KARS1: variants seen among roughly 807,000 people sequenced by gnomAD.
The protein encoded by KARS1 is lysine--tRNA ligase.
Under a neutral mutation model 63.9 loss-of-function variants are expected in KARS1, and 50 were observed. That is an observed-to-expected ratio of 0.78 (90% CI 0.62 to 0.99). The LOEUF (loss-of-function observed/expected upper bound fraction) is 0.99, where lower values mean the gene tolerates loss of function less well. Among genes scored for constraint, KARS1 ranks in the 50% least tolerant of loss-of-function variants. The probability of loss-of-function intolerance (pLI) is 0.00; values close to 1 mark genes in which losing one functional copy is unlikely to be tolerated. For missense variants in KARS1, 816 were observed against 754.5 expected (o/e 1.08, Z -0.95); for synonymous variants, 320 against 264.6 (o/e 1.21, Z -2.03).
rs776157629 is a variant in KARS1 at position 75,631,144 on chromosome 16, T to C, written c.1338+24A>G. ...CCATTCAGCACCAGATGAGGACATG[T>C]ACAAGAAGGCAGGGCCTTCTCACCT... On this transcript the variant is annotated intron_variant, in intron 10 of 13. Transcript: ENST00000302445. 12 of 1,589,910 alleles carry C rather than the reference T, an allele frequency of 7.5e-6. No homozygotes were observed. The East Asian group carries it at 2.7e-4, about 36-fold the overall frequency.
chr16:75,647,331 AGT>A, intron 1 of KARS1: 1 of 598,454 alleles, frequency 1.7e-6, no homozygotes, highest in Non-Finnish European at 3.0e-6. Context: ...CCTCCTCCAC[AGT>A]CTCTTAACTC....
At chr16:75,634,586 T>G (rs1254588634) in intron 6 of KARS1, among the ~76,000 whole-genome samples, 1 of 152,142 alleles carries the variant, frequency 6.6e-6, no homozygotes, top group East Asian at 1.9e-4. Context: ...ATTTATTTAA[T>G]TTTTTTTAAG....
intron 1 of KARS1, among the ~76,000 whole-genome samples, chr16:75,642,308 T>C (rs2082235310): frequency 6.7e-6 from 1 of 149,980 alleles, no homozygotes. Context: ...TTTCAAGAGA[T>C]TCTCGTGCCT....
rs2082298110 is a variant in KARS1 at position 75,647,325 on chromosome 16, C to T, written c.62+253G>A. On this transcript the variant is annotated intron_variant, in intron 1 of 13. Coordinates refer to ENST00000302445, the MANE Select transcript of KARS1 (RefSeq NM_005548.3). The stretch of plus-strand genomic sequence containing the variant: ...CTCTTAGTTCTCGTCCTAGTTCCTC[C>T]TCCACAGTCTCTTAACTCTAGGAGT... The T allele has an allele frequency of 3.0e-5, 18 of 598,768 alleles. No individual in the cohort carries two copies. The South Asian group carries it at 3.5e-4, about 12-fold the overall frequency. The allele number at this position is 598,768 out of a possible 1,614,324, so 37.1% of individuals were successfully genotyped here. A position where few individuals can be genotyped will look rare whatever the true frequency, so the allele number is the denominator to read the frequency against.
chr16:75,647,608 A>T lies in KARS1; in HGVS notation c.32T>A (p.Val11Glu). MAAVQAAEVK[V>E]DGSEPKLSKN... ...GCTCAGTTTCGGCTCGCTGCCATCC[A>T]CTTTCACCTCGGCCGCCTGCACGGC... Residue 11 changes from valine to glutamate, a missense_variant, in exon 1 of 14, where the codon GTG becomes GAG. Transcript: ENST00000302445. 6.2e-7 allele frequency: 1 copy of T among 1,613,220 alleles called. No homozygotes were observed. Among genetic ancestry groups the T allele is most frequent in the Non-Finnish European group, 8.5e-7 (1 of 1,179,770 alleles).
rs145525565 is a variant in KARS1, at chr16:75,630,627, TTTATTATTA to T, written c.1339-128_1339-120del. The T allele has an allele frequency of 1.6e-4, 63 of 381,904 alleles. 6 individuals carry two copies. Among genetic ancestry groups the T allele is most frequent in the South Asian group, 6.2e-4 (18 of 29,062 alleles). The allele number at this position is 381,904 out of a possible 1,614,324, so 23.7% of individuals were successfully genotyped here. ...GGTTTATCCTATAGCTTTTTATTTATTTATTATTATTATTATTATTATTATTGAGATGGA... is the reference window on the plus strand; with the variant it reads ...GGTTTATCCTATAGCTTTTTATTTATTTATTATTATTATTATTGAGATGGA... On this transcript the variant is annotated intron_variant, in intron 10 of 13. Transcript: ENST00000302445.
At chr16:75,631,618 A>T in intron 8 of KARS1, 29 bp from the exon 9 acceptor site, 1 of 1,614,048 alleles carries the variant, frequency 6.2e-7, no homozygotes, top group Non-Finnish European at 8.5e-7. Flanking sequence ...ATTTAGCGGG[A>T]ATGAAATCCA....
At chr16:75,639,102 AG>A (rs1409997609) in intron 3 of KARS1, among the ~76,000 whole-genome samples, 1 of 151,918 alleles carries the variant, frequency 6.6e-6, no homozygotes, top group African/African-American at 2.4e-5. Context: ...CGGAAGGCGG[AG>A]GTTGCAGTGA....
intron 1 of KARS1, chr16:75,644,148 A>G: frequency 1.5e-6 from 1 of 680,378 alleles, no homozygotes; most frequent in Non-Finnish European, 2.5e-6. Flanking sequence ...AGAAAGGACT[A>G]TTGGTTTTGG....
In KARS1 at chr16:75,631,518, C is replaced by A. The variant is rs761886340; in HGVS notation, c.1150G>T (p.Asp384Tyr). The change falls in exon 9 of 14, where the codon GAT (aspartate) becomes TAT (tyrosine). Residue 384 changes from aspartate to tyrosine, a missense_variant. By Grantham distance (160) the Asp-to-Tyr change is radical. Coordinates refer to ENST00000302445, the MANE Select transcript of KARS1 (RefSeq NM_005548.3). ...HPDGPEGQAY[D>Y]VDFTPPFRRI... is the part of the protein sequence containing the mutation. ...CGGAAGGGTGGGGTGAAGTCAACATCGTAGGCTTGGCCCTCTGGGCCATCT... is the reference window on the plus strand; with the variant it reads ...CGGAAGGGTGGGGTGAAGTCAACATAGTAGGCTTGGCCCTCTGGGCCATCT... 6 of 1,614,108 alleles carry A rather than the reference C, an allele frequency of 3.7e-6. No homozygotes were observed. Among genetic ancestry groups the A allele is most frequent in the Non-Finnish European group, 8.5e-7 (1 of 1,179,944 alleles).
intron 7 of KARS1, among the ~76,000 whole-genome samples, chr16:75,633,569 G>A (rs2082133541): frequency 6.8e-6 from 1 of 148,110 alleles, no homozygotes; most frequent in South Asian, 2.1e-4. Context: ...CCAGGCTGGA[G>A]TGCAGTTGCA....
At chr16:75,642,884 T>C (rs2082240513) in intron 1 of KARS1, 1 of 152,184 alleles carries the variant, frequency 6.6e-6, no homozygotes, top group Non-Finnish European at 1.5e-5. Flanking sequence ...TGTTATGGTG[T>C]GTAATGAGAT....
At chr16:75,634,064 T>G (rs749922851) in intron 7 of KARS1, 109 bp downstream of exon 7, 7 of 1,217,152 alleles carry the variant, frequency 5.8e-6, no homozygotes, top group Non-Finnish European at 8.4e-6. Context: ...AACACTTTCT[T>G]GGCTGCTTTA....
rs763797026 is a variant in KARS1, at chr16:75,627,928, TG to T, written c.1760del (p.Thr587AsnfsTer14). ...AAGTGCCAACTGTTGTGCTTTCCAG[TG>T]TATCAGTGGTTGCTACATTCTCCTT... ...DKKENVATTDTLESTTVGTSV is the reference protein window; with the variant it reads ...DKKENVATTDXLESTTVGTSV On this transcript the variant is annotated frameshift_variant, in exon 14 of 14. Coordinates refer to ENST00000302445, the MANE Select transcript of KARS1 (RefSeq NM_005548.3). LOFTEE classifies it high-confidence loss of function. The T allele has an allele frequency of 1.9e-6, 3 of 1,609,414 alleles. No individual in the cohort carries two copies. The African/African-American group carries it at 4.0e-5, about 22-fold the overall frequency.
At chr16:75,628,538 G>T (rs780517583) in intron 13 of KARS1, 31 bp downstream of exon 13, 3 of 1,611,692 alleles carry the variant, frequency 1.9e-6, no homozygotes, top group East Asian at 2.2e-5. Context: ...GCTTCCTCAG[G>T]AAGTGTGCTC....
chr16:75,642,155 C>A (rs1398644479), intron 1 of KARS1, among the ~76,000 whole-genome samples: 1 of 148,550 alleles, frequency 6.7e-6, no homozygotes. Context: ...TAGTATCCCC[C>A]TAGAAGGTGA....
rs139719193 is a variant in KARS1, at chr16:75,628,635, G to T, written c.1629C>A (p.Pro543=). The change falls in exon 13 of 14, where the codon CCC becomes CCA. Residue 543 remains proline, a synonymous_variant. Coordinates refer to ENST00000302445, the MANE Select transcript of KARS1 (RefSeq NM_005548.3). The part of the protein sequence containing the change: ...FCTALEYGLP[P]TAGWGMGIDR... ...CAATGCCCATGCCCCAGCCAGCTGT[G>T]GGGGGCAGCCCATATTCCAGGGCAG... The T allele has an allele frequency of 7.4e-6, 12 of 1,613,910 alleles. No individual in the cohort carries two copies. The highest frequency in any genetic ancestry group is 5.0e-5 in the Admixed American group (3 of 60,006).
chr16:75,642,185 C>CTGTTTTTT (rs2082232705), intron 1 of KARS1, among the ~76,000 whole-genome samples: 1 of 63,170 alleles, frequency 1.6e-5, no homozygotes, highest in East Asian at 9.9e-4. Flanking sequence ...AGTGCCAGGT[C>CTGTTTTTT]TTTTTTTTTT....
At chr16:75,628,494 C>T (rs2082075531) in intron 13 of KARS1, 75 bp downstream of exon 13, 3 of 1,552,462 alleles carry the variant, frequency 1.9e-6, no homozygotes, top group Middle Eastern at 2.3e-4. Flanking sequence ...TTTTATCCTC[C>T]AGGCCCACCA....
Sources: allele counts gnomAD v4.1 joint callset (sites outside exome capture counted in the v4.1 genomes callset), GRCh38; gene constraint gnomAD v4.1.1; transcripts MANE v1.5; gene names NCBI Gene and HGNC (gene_info 2026-07-23, HGNC 2026-07-21).